ANKRD10: variants seen among roughly 807,000 people sequenced by gnomAD.
The protein encoded by ANKRD10 is ankyrin repeat domain 10, also known as ankyrin repeat domain-containing protein 10.
Under a neutral mutation model 27.0 loss-of-function variants are expected in ANKRD10, and 14 were observed. The observed-to-expected ratio is 0.52, with a 90% CI of 0.34 to 0.81. The LOEUF is 0.81. Ranked by LOEUF, ANKRD10 falls within the 40% of genes least tolerant of loss-of-function variation. The pLI is 0.01. For synonymous variants in ANKRD10, 250 were observed against 224.5 expected (o/e 1.11, Z -1.01); for missense variants, 493 against 544.0 (o/e 0.91, Z 0.93).
intron 4 of ANKRD10, among the ~76,000 whole-genome samples, chr13:110,887,278 G>C (rs1224564979): frequency 6.6e-6 from 1 of 152,150 alleles, no homozygotes; most frequent in Non-Finnish European, 1.5e-5. Context: ...AGCTATTCAG[G>C]ATCAAGCAGC....
rs139109829 is a variant in ANKRD10, at chr13:110,893,140, G to A, written c.579C>T (p.Ile193=). The A allele has an allele frequency of 6.2e-7, 1 of 1,614,190 alleles. No individual in the cohort carries two copies. Among genetic ancestry groups the A allele is most frequent in the Non-Finnish European group, 8.5e-7 (1 of 1,180,032 alleles). Reference sequence around the variant, plus strand: ...ATACATTCTGATGACCCCCATTTAAGATGCCATTGTTATAGAAATGGTTCA... The same window carrying A: ...ATACATTCTGATGACCCCCATTTAAAATGCCATTGTTATAGAAATGGTTCA... The part of the protein sequence containing the change: ...CHLNHFYNNG[I]LNGGHQNVFP... The change falls in exon 4 of 6, where the codon ATC becomes ATT. Residue 193 remains isoleucine (I), a synonymous_variant. Coordinates refer to ENST00000267339, the MANE Select transcript of ANKRD10 (RefSeq NM_017664.4).
intron 1 of ANKRD10, chr13:110,911,786 C>CA (rs1423925920): frequency 1.3e-5 from 2 of 152,118 alleles, no homozygotes; most frequent in African/African-American, 2.4e-5. Flanking sequence ...CTCAAAAAAA[C>CA]AAAAAACAAC....
At chr13:110,911,731 A>C (rs1055124311) in intron 1 of ANKRD10, 1 of 152,234 alleles carries the variant, frequency 6.6e-6, no homozygotes, top group Admixed American at 6.5e-5. Flanking sequence ...GTGAGCAGAG[A>C]TCACGCCGCT....
At chr13:110,892,436 A>AAAAAAAAAAAAAAAAAAAAT (rs1555321016) in intron 4 of ANKRD10, among the ~76,000 whole-genome samples, 6 of 144,570 alleles carry the variant, frequency 4.2e-5, no homozygotes, top group East Asian at 2.0e-4. Flanking sequence ...AAAAAAAAAA[A>AAAAAAAAAAAAAAAAAAAAT]TGGTGGGAGA....
chr13:110,896,838 T>C (rs2065238000), intron 3 of ANKRD10, among the ~76,000 whole-genome samples: 1 of 152,194 alleles, frequency 6.6e-6, no homozygotes. Context: ...TTAAAAAATG[T>C]AGAAACCATT....
intron 4 of ANKRD10, among the ~76,000 whole-genome samples, chr13:110,887,759 C>G (rs1438166831): frequency 6.6e-6 from 1 of 152,166 alleles, no homozygotes; most frequent in Non-Finnish European, 1.5e-5. Context: ...TACTGTGCCT[C>G]TAGGTGCTGT....
intron 4 of ANKRD10, among the ~76,000 whole-genome samples, chr13:110,889,205 C>G (rs1369095340): frequency 6.6e-6 from 1 of 152,290 alleles, no homozygotes; most frequent in East Asian, 1.9e-4. Flanking sequence ...GAGTTTTATA[C>G]AGTGGTGCAG....
intron 2 of ANKRD10, 113 bp from the exon 3 acceptor site, chr13:110,906,237 C>CA: frequency 1.3e-6 from 1 of 795,140 alleles, no homozygotes; most frequent in Non-Finnish European, 2.0e-6. Context: ...TGAAGTAAAA[C>CA]ATGTTGAGCA....
intron 1 of ANKRD10, among the ~76,000 whole-genome samples, chr13:110,913,405 G>A (rs975839091): frequency 1.3e-5 from 2 of 152,158 alleles, no homozygotes; most frequent in Non-Finnish European, 2.9e-5. Flanking sequence ...CATTTCCCCT[G>A]GGCACCTGTT....
intron 1 of ANKRD10, among the ~76,000 whole-genome samples, chr13:110,912,006 T>C (rs916466477): frequency 1.3e-5 from 2 of 152,236 alleles, no homozygotes. Flanking sequence ...GCAATGCACC[T>C]AGTGGGTGAC....
At chr13:110,909,862 A>AT (rs1406553820) in intron 2 of ANKRD10, among the ~76,000 whole-genome samples, 1 of 152,196 alleles carries the variant, frequency 6.6e-6, no homozygotes, top group Non-Finnish European at 1.5e-5. Flanking sequence ...GATAGGAGTA[A>AT]AAAAGGCATA....
At chr13:110,882,019 C>T (rs1273515058) in intron 5 of ANKRD10, among the ~76,000 whole-genome samples, 2 of 152,122 alleles carry the variant, frequency 1.3e-5, no homozygotes, top group Admixed American at 1.3e-4. Flanking sequence ...ATCCCACGAA[C>T]ATCCAAACAC....
chr13:110,884,459 A>G (rs1346198163), intron 4 of ANKRD10, among the ~76,000 whole-genome samples: 2 of 152,190 alleles, frequency 1.3e-5, no homozygotes, highest in East Asian at 3.8e-4. Context: ...TCTGAATCCT[A>G]GCAAGACTCA....
intron 4 of ANKRD10, among the ~76,000 whole-genome samples, chr13:110,884,417 T>C (rs952036310): frequency 1.4e-4 from 22 of 152,212 alleles, no homozygotes; most frequent in Admixed American, 6.5e-5. Flanking sequence ...GAATGCCCCA[T>C]GTCATACCCA....
chr13:110,898,750 CTTTTTTTTTTTTTTTTT>C (rs56176208), intron 3 of ANKRD10, among the ~76,000 whole-genome samples: 1 of 106,558 alleles, frequency 9.4e-6, no homozygotes, highest in Non-Finnish European at 1.9e-5. Flanking sequence ...TTTTTCTTTT[CTTTTTTTTTTTTTTTTT>C]TTTTTGAGAC....
chr13:110,881,843 C>T (rs1458115080), intron 5 of ANKRD10, among the ~76,000 whole-genome samples: 1 of 152,168 alleles, frequency 6.6e-6, no homozygotes, highest in Non-Finnish European at 1.5e-5. Context: ...TTGGTAAGCT[C>T]ATGTTGTTAC....
chr13:110,898,750 CTTTT>C (rs56176208), intron 3 of ANKRD10, among the ~76,000 whole-genome samples: 13 of 106,556 alleles, frequency 1.2e-4, no homozygotes, highest in African/African-American at 3.1e-4. Flanking sequence ...TTTTTCTTTT[CTTTT>C]TTTTTTTTTT....
chr13:110,901,910 G>A (rs954281490), intron 3 of ANKRD10, among the ~76,000 whole-genome samples: 1 of 152,118 alleles, frequency 6.6e-6, no homozygotes, highest in African/African-American at 2.4e-5. Context: ...GGGCATGGTG[G>A]TATGTGCCTA....
rs2065525477 is a variant in ANKRD10 at position 110,906,143 on chromosome 13, A to G, written c.364-19T>C. 16 of 1,566,648 alleles carry G rather than the reference A, an allele frequency of 1.0e-5. No homozygotes were observed. Among genetic ancestry groups the G allele is most frequent in the Non-Finnish European group, 1.4e-5 (16 of 1,151,712 alleles). ...CACAATCCTGAAACAACAAAAAGCA[A>G]AATATACACATACTTAGAACAAAAC... On this transcript the variant is annotated intron_variant, in intron 2 of 5. Transcript: ENST00000267339.
Sources: allele counts gnomAD v4.1 joint callset (sites outside exome capture counted in the v4.1 genomes callset), GRCh38; gene constraint gnomAD v4.1.1; transcripts MANE v1.5; gene names NCBI Gene and HGNC (gene_info 2026-07-23, HGNC 2026-07-21).